The following IGSF5 variants were observed in gnomAD, a reference collection of about 807,000 sequenced individuals.
IGSF5 encodes immunoglobulin superfamily 5 like.
A neutral mutation model predicts 39.4 loss-of-function variants in IGSF5; 41 were observed. That is an observed-to-expected ratio of 1.04 (90% confidence interval 0.81 to 1.35). The LOEUF (loss-of-function observed/expected upper bound fraction) is 1.35, where lower values mean the gene tolerates loss of function less well. Among genes scored for constraint, IGSF5 ranks in the 40% most tolerant of loss-of-function variants. IGSF5 has a pLI of 0.00. For synonymous variants in IGSF5, 183 were observed against 175.3 expected, an observed-to-expected ratio of 1.04 and a Z score of -0.34; for missense variants, 487 against 494.6, an observed-to-expected ratio of 0.98 and a Z score of 0.15.
intron 8 of IGSF5, among the ~76,000 whole-genome samples, chr21:39,796,742 C>T (rs898198321): frequency 6.6e-6 from 1 of 152,188 alleles, no homozygotes; most frequent in Non-Finnish European, 1.5e-5. Context: ...CCGCATGAAG[C>T]TCAGGTCCTG....
chr21:39,772,406 C>T (rs958240422), intron 4 of IGSF5, among the ~76,000 whole-genome samples: 4 of 152,160 alleles, frequency 2.6e-5, no homozygotes, highest in Admixed American at 6.5e-5. Flanking sequence ...CCATGGCTGC[C>T]GTAACGGAGG....
At chr21:39,799,704 A>G (rs905075917) in intron 8 of IGSF5, among the ~76,000 whole-genome samples, 1 of 152,184 alleles carries the variant, frequency 6.6e-6, no homozygotes, top group Non-Finnish European at 1.5e-5. Context: ...GATGAATGCC[A>G]AGTGAAAGGT....
At chr21:39,766,610 T>G (rs2080088599) in intron 3 of IGSF5, among the ~76,000 whole-genome samples, 1 of 152,154 alleles carries the variant, frequency 6.6e-6, no homozygotes, top group Non-Finnish European at 1.5e-5. Flanking sequence ...TAAACAAAAT[T>G]TATAATAATA....
At chr21:39,747,509 A>T (rs142484092) in intron 2 of IGSF5, among the ~76,000 whole-genome samples, 2,916 of 152,324 alleles carry the variant, frequency 0.019, 29 homozygotes, top group South Asian at 0.059. Flanking sequence ...CTCTGCCAAC[A>T]CTGACTTAGC....
At chr21:39,781,148 C>T (rs1396192076) in intron 5 of IGSF5, among the ~76,000 whole-genome samples, 5 of 152,148 alleles carry the variant, frequency 3.3e-5, no homozygotes, top group Non-Finnish European at 5.9e-5. Flanking sequence ...TTGGGCAATT[C>T]ACTCTGTAGT....
intron 2 of IGSF5, among the ~76,000 whole-genome samples, chr21:39,752,323 G>A (rs1332174872): frequency 7.5e-6 from 1 of 133,252 alleles, no homozygotes; most frequent in Non-Finnish European, 1.6e-5. Context: ...CATCCAAGGT[G>A]CTGCAAAATA....
chr21:39,724,657 CT>C, the IGSF5 span, among the ~76,000 whole-genome samples: 10 of 152,214 alleles, frequency 6.6e-5, no homozygotes, highest in African/African-American at 2.4e-4. Flanking sequence ...AAATCTCTTT[CT>C]TTTGTAAATT....
At chr21:39,744,205 C>T (rs1489142084), upstream of IGSF5, among the ~76,000 whole-genome samples, 1 of 152,140 alleles carries the variant, frequency 6.6e-6, no homozygotes, top group African/African-American at 2.4e-5. Context: ...TTCTAGTGGT[C>T]CTTTACCAGC....
the IGSF5 span, chr21:39,722,359 C>G: frequency 1.3e-5 from 2 of 152,138 alleles, no homozygotes; most frequent in Non-Finnish European, 2.9e-5. Context: ...CTTCTCTGCC[C>G]CGTTGAAGTA....
At chr21:39,778,399 TA>T (rs2080151782) in intron 4 of IGSF5, among the ~76,000 whole-genome samples, 1 of 152,316 alleles carries the variant, frequency 6.6e-6, no homozygotes, top group East Asian at 1.9e-4. Flanking sequence ...CTTCTCTCCC[TA>T]CCTCCCTCTT....
chr21:39,753,833 A>T (rs1177800276), intron 2 of IGSF5, among the ~76,000 whole-genome samples: 1 of 151,970 alleles, frequency 6.6e-6, no homozygotes, highest in African/African-American at 2.4e-5. Flanking sequence ...TTTGTGTGAA[A>T]TATCTTTCTC....
chr21:39,738,007 C>A, the IGSF5 span, among the ~76,000 whole-genome samples: 1 of 152,138 alleles, frequency 6.6e-6, no homozygotes, highest in Non-Finnish European at 1.5e-5. This position sits in a 1 kb window ranked among gnomAD's most constrained non-coding sequence, Gnocchi z 6.4. Flanking sequence ...GAGTTATGAG[C>A]CAGGAACCAT....
Position 39,801,297 on chromosome 21 carries a change from T to C in IGSF5, c.1164T>C (p.His388=). 2 of 1,614,168 alleles carry C rather than the reference T, an allele frequency of 1.2e-6. No homozygotes were observed. The highest frequency in any genetic ancestry group is 1.7e-6 in the Non-Finnish European group (2 of 1,180,010). The change falls in exon 9 of 9, where the codon CAT becomes CAC. Residue 388 remains histidine (H), a synonymous_variant. Transcript: ENST00000380588. The part of the protein sequence containing the change: ...ADQRPPRPAS[H]PQASFNLASP... ...AACGTCCACCCAGGCCAGCAAGTCA[T>C]CCACAGGCTTCTTTTAATCTGGCCA...
Position 39,793,567 on chromosome 21 carries a change from C to G in IGSF5, c.1082C>G (p.Ser361Cys), listed in dbSNP as rs373969441. 2 of 1,613,954 alleles carry G rather than the reference C, an allele frequency of 1.2e-6. No individual in the cohort carries two copies. Among genetic ancestry groups the G allele is most frequent in the Non-Finnish European group, 1.7e-6 (2 of 1,179,940 alleles). ...TCTCTCCCTCCCAAATCCTGTGAAT[C>G]CAGTGATCCTGAACAAAGAAACAGT... is the stretch of plus-strand genomic sequence containing the variant. ...TASLPPKSCESSDPEQRNSSC... is the reference protein window; with the variant it reads ...TASLPPKSCECSDPEQRNSSC... The change falls in exon 8 of 9, where the codon TCC becomes TGC. Residue 361 changes from serine (S) to cysteine (C), a missense_variant. Coordinates refer to ENST00000380588, the MANE Select transcript of IGSF5 (RefSeq NM_001080444.2).
chr21:39,747,900 G>A (rs558452267), intron 2 of IGSF5, among the ~76,000 whole-genome samples: 1 of 150,626 alleles, frequency 6.6e-6, no homozygotes, highest in Non-Finnish European at 1.5e-5. Flanking sequence ...GTTTAAGTGA[G>A]CAGTAGCCAG....
intron 3 of IGSF5, among the ~76,000 whole-genome samples, chr21:39,767,271 T>C (rs963757075): frequency 2.0e-5 from 3 of 152,210 alleles, no homozygotes; most frequent in African/African-American, 7.2e-5. Flanking sequence ...GAGATGAATC[T>C]TCCCGGCCCA....
intron 6 of IGSF5, among the ~76,000 whole-genome samples, chr21:39,789,666 AT>A (rs2086949621): frequency 6.6e-6 from 1 of 152,132 alleles, no homozygotes; most frequent in African/African-American, 2.4e-5. Flanking sequence ...TTTAGAAAAA[AT>A]AAATATAAAG....
At chr21:39,734,439 TACAC>T in the IGSF5 span, among the ~76,000 whole-genome samples, 1,124 of 120,260 alleles carry the variant, frequency 9.3e-3, 16 homozygotes, top group African/African-American at 0.027. Flanking sequence ...AAAAAAAAAA[TACAC>T]ACACACACAC....
intron 6 of IGSF5, among the ~76,000 whole-genome samples, chr21:39,789,444 G>A (rs1053968356): frequency 7.9e-5 from 12 of 152,278 alleles, no homozygotes; most frequent in African/African-American, 2.4e-4. Flanking sequence ...CTTTGTCTCC[G>A]TGCAGCCCTT....
Sources: gnomAD v4.1 joint callset for allele counts (sites outside exome capture counted in the v4.1 genomes callset) on GRCh38, gnomAD v4.1.1 for gene constraint, Gnocchi (gnomAD v3.1) non-coding constraint, MANE v1.5 for transcripts, NCBI Gene and HGNC (gene_info 2026-07-23, HGNC 2026-07-21) for gene names.